The following ABL2 variants were observed in gnomAD, a reference collection of about 807,000 sequenced individuals.
ABL2 encodes the protein tyrosine-protein kinase ABL2.
In ABL2, 49 loss-of-function variants were observed where a neutral mutation model predicts 107.7. The ratio of observed to expected loss-of-function variants is 0.45; its 90% confidence interval spans 0.36 to 0.58. The LOEUF (loss-of-function observed/expected upper bound fraction) is 0.58, where lower values mean the gene tolerates loss of function less well. Ranked by LOEUF, ABL2 falls within the 20% of genes least tolerant of loss-of-function variation. The pLI is 0.00. For synonymous variants in ABL2, 549 were observed against 548.6 expected (o/e 1.00, Z -0.01); for missense variants, 1,245 against 1,457.0 (o/e 0.85, Z 2.37).
intron 1 of ABL2, among the ~76,000 whole-genome samples, chr1:179,193,037 C>T (rs934593717): frequency 1.3e-5 from 2 of 152,034 alleles, no homozygotes; most frequent in African/African-American, 4.8e-5. Flanking sequence ...ATATTTCATA[C>T]TTTTCTAAGG....
At chr1:179,174,905 A>T (rs4651017) in intron 1 of ABL2, among the ~76,000 whole-genome samples, 10,207 of 119,934 alleles carry the variant, frequency 0.085, 632 homozygotes, top group Non-Finnish European at 0.094. Context: ...CAAAAAAAAA[A>T]AAATAAAATA....
At chr1:179,120,086 T>G in intron 6 of ABL2, 104 bp downstream of exon 6, 1 of 670,178 alleles carries the variant, frequency 1.5e-6, no homozygotes, top group Non-Finnish European at 2.5e-6. Flanking sequence ...AGCGAGACCC[T>G]GTCTCTATAT....
intron 2 of ABL2, among the ~76,000 whole-genome samples, chr1:179,132,408 G>A (rs1345235692): frequency 1.3e-5 from 2 of 152,086 alleles, no homozygotes; most frequent in Non-Finnish European, 2.9e-5. Context: ...AGTTTTTCCA[G>A]TATCAATTTT....
Position 179,109,459 on chromosome 1 carries a change from A to G in ABL2, c.1826-18T>C, listed in dbSNP as rs764625153. On this transcript the variant is annotated intron_variant, in intron 11 of 11. Transcript: ENST00000502732. ...GATGAACCCTGATGAGAAATGGCCG[A>G]TCAGTAACTTAAAAGACAAGAAGTG... The G allele has an allele frequency of 6.3e-7, 1 of 1,587,268 alleles. No individual in the cohort carries two copies. The highest frequency in any genetic ancestry group is 1.1e-5 in the South Asian group (1 of 87,114).
At chr1:179,112,238 T>C (rs1164788333) in intron 10 of ABL2, 71 bp downstream of exon 10, 1 of 1,343,490 alleles carries the variant, frequency 7.4e-7, no homozygotes, top group Non-Finnish European at 1.1e-6. Context: ...TTTTGAAATG[T>C]AATTACCATT....
chr1:179,141,381 G>A (rs1220673376), intron 1 of ABL2, among the ~76,000 whole-genome samples: 2 of 152,034 alleles, frequency 1.3e-5, no homozygotes, highest in Non-Finnish European at 2.9e-5. Flanking sequence ...TTTATAATAA[G>A]GGGAAACTCT....
chr1:179,145,679 G>T (rs1657935895), intron 1 of ABL2, among the ~76,000 whole-genome samples: 1 of 152,144 alleles, frequency 6.6e-6, no homozygotes, highest in South Asian at 2.1e-4. Flanking sequence ...AATGTAGCAA[G>T]TTCAATGCAA....
intron 4 of ABL2, among the ~76,000 whole-genome samples, chr1:179,122,194 A>G (rs1442723066): frequency 6.6e-6 from 1 of 150,678 alleles, no homozygotes; most frequent in Non-Finnish European, 1.5e-5. Context: ...GATTACAAGC[A>G]TGAGCCACCG....
chr1:179,100,596 C>T lies in ABL2; in HGVS notation c.*7122G>A, dbSNP rs905951200. ...TCCTTTCATAAAGCCTGCTAGCATT[C>T]GACAGTTTGCCTCCAGCTTTTCTAA... On this transcript the variant is annotated 3_prime_UTR_variant, in exon 12 of 12. Coordinates refer to ENST00000502732, the MANE Select transcript of ABL2 (RefSeq NM_007314.4). The T allele has an allele frequency of 2.2e-5, 5 of 229,104 alleles. No homozygotes were observed. Among genetic ancestry groups the T allele is most frequent in the East Asian group, 6.2e-5 (1 of 16,088 alleles). 14.2% of individuals were successfully genotyped at this position (229,104 alleles called of 1,614,324 possible).
chr1:179,198,262 G>A (rs1350788764), intron 1 of ABL2, among the ~76,000 whole-genome samples: 1 of 151,796 alleles, frequency 6.6e-6, no homozygotes, highest in Non-Finnish European at 1.5e-5. Flanking sequence ...TAAAGAGGGA[G>A]AGAATACGAT....
At chr1:179,204,013 T>C (rs1033277177) in intron 1 of ABL2, among the ~76,000 whole-genome samples, 3 of 152,070 alleles carry the variant, frequency 2.0e-5, no homozygotes, top group Admixed American at 2.0e-4. Context: ...TTTTAAAATA[T>C]TTCCATTTAT....
intron 9 of ABL2, among the ~76,000 whole-genome samples, chr1:179,113,203 T>C (rs1654274650): frequency 6.6e-6 from 1 of 152,198 alleles, no homozygotes; most frequent in African/African-American, 2.4e-5. Flanking sequence ...TGTGAGCCAC[T>C]GCACCTGGCC....
rs1653138296 is a variant in ABL2 at position 179,102,005 on chromosome 1, T to TTTTTTTTTG, written c.*5712_*5713insCAAAAAAAA. The TTTTTTTTTG allele has an allele frequency of 1.0e-5, 1 of 100,140 alleles. No individual in the cohort carries two copies. The highest frequency in any genetic ancestry group is 5.0e-5 in the African/African-American group (1 of 20,140). The allele number at this position is 100,140 out of a possible 1,614,324, so 6.2% of individuals were successfully genotyped here. A position where few individuals can be genotyped will look rare whatever the true frequency, so the allele number is the denominator to read the frequency against. On this transcript the variant is annotated 3_prime_UTR_variant, in exon 12 of 12. Transcript: ENST00000502732. The stretch of plus-strand genomic sequence containing the variant: ...CTTTGCATTAGAATTTCTTTTTTTT[T>TTTTTTTTTG]TTTTTTTTTTTTTTTTTTTTTTTTT...
Position 179,107,829 on chromosome 1 carries a change from G to T in ABL2, c.3438C>A (p.Ser1146Arg), listed in dbSNP as rs1003114480. The T allele has an allele frequency of 2.5e-6, 4 of 1,614,062 alleles. No homozygotes were observed. The African/African-American group carries it at 4.0e-5, about 16-fold the overall frequency. ...CTGAAGAAACCTGTAGCTCCTGCAG[G>T]CTGAGTTCCAGTTTGCTCACAGCCT... is the stretch of plus-strand genomic sequence containing the variant. ...FREAVSKLEL[S>R]LQELQVSSAA... The change falls in exon 12 of 12, where the codon AGC becomes AGA. Residue 1146 changes from serine to arginine, a missense_variant. Ser to Arg is a moderately radical substitution (Grantham distance 110, BLOSUM62 -1). Transcript: ENST00000502732.
intron 1 of ABL2, among the ~76,000 whole-genome samples, chr1:179,154,524 G>A (rs368003047): frequency 1.3e-5 from 2 of 152,184 alleles, no homozygotes; most frequent in East Asian, 1.9e-4. Flanking sequence ...GCCCTTTCAT[G>A]CAACTAGAAA....
In ABL2 at chr1:179,101,067, G is replaced by C. The variant is rs1234171208; in HGVS notation, c.*6651C>G. ...TTCAAGTGGCGGATTCTCACAGATG[G>C]AGGATCTGGCCACTGCCATCTGAGA... On this transcript the variant is annotated 3_prime_UTR_variant, in exon 12 of 12. Transcript: ENST00000502732. 1 of 232,058 alleles carries C rather than the reference G, an allele frequency of 4.3e-6. No individual in the cohort carries two copies. Among genetic ancestry groups the C allele is most frequent in the Non-Finnish European group, 8.5e-6 (1 of 117,382 alleles). The allele number at this position is 232,058 out of a possible 1,614,324, so 14.4% of individuals were successfully genotyped here.
rs764701368 is a variant in ABL2, at chr1:179,104,112, A to ATAG, written c.*3603_*3605dup. 4.3e-6 allele frequency: 1 copy of ATAG among 232,346 alleles called. No homozygotes were observed. Among genetic ancestry groups the ATAG allele is most frequent in the Non-Finnish European group, 8.5e-6 (1 of 117,538 alleles). The allele number at this position is 232,346 out of a possible 1,614,324, so 14.4% of individuals were successfully genotyped here. A position where few individuals can be genotyped will look rare whatever the true frequency, so the allele number is the denominator to read the frequency against. ...TGCATCCCTAGACTAGGTGTTAATA[A>ATAG]TAGTAGTAGTAGAACATTTATAGAG... On this transcript the variant is annotated 3_prime_UTR_variant, in exon 12 of 12. Transcript: ENST00000502732.
intron 1 of ABL2, among the ~76,000 whole-genome samples, chr1:179,176,214 G>C (rs895729349): frequency 9.2e-5 from 14 of 151,670 alleles, no homozygotes; most frequent in South Asian, 6.2e-4. Context: ...AGGGCGGTGG[G>C]AGGGTGGGGA....
chr1:179,180,848 TC>T (rs1660337545), intron 1 of ABL2, among the ~76,000 whole-genome samples: 1 of 152,120 alleles, frequency 6.6e-6, no homozygotes, highest in Non-Finnish European at 1.5e-5. Context: ...TAATAATAAT[TC>T]CCCCATTCTT....
Sources: gnomAD v4.1 joint callset for allele counts (sites outside exome capture counted in the v4.1 genomes callset) on GRCh38, gnomAD v4.1.1 for gene constraint, MANE v1.5 for transcripts, NCBI Gene and HGNC (gene_info 2026-07-23, HGNC 2026-07-21) for gene names.